The following C7orf57 variants were observed in gnomAD, a reference collection of about 807,000 sequenced individuals.
C7orf57 encodes chromosome 7 open reading frame 57.
A neutral mutation model predicts 39.0 loss-of-function variants in C7orf57; 33 were observed. The observed-to-expected ratio is 0.85, with a 90% CI of 0.64 to 1.13. C7orf57 has a LOEUF of 1.13. Among genes scored for constraint, C7orf57 ranks in the 50% most tolerant of loss-of-function variants. C7orf57 has a pLI of 0.00. For synonymous variants in C7orf57, 124 were observed against 137.1 expected, an observed-to-expected ratio of 0.90 and a Z score of 0.67; for missense variants, 346 against 362.3, an observed-to-expected ratio of 0.95 and a Z score of 0.37.
intron 2 of C7orf57, among the ~76,000 whole-genome samples, chr7:48,040,752 A>T (rs1790524979): frequency 6.6e-6 from 1 of 152,148 alleles, no homozygotes; most frequent in Non-Finnish European, 1.5e-5. Flanking sequence ...CTCGGTGGAC[A>T]GGCCTCTTTG....
At chr7:48,051,393 C>T (rs1393094653) in intron 6 of C7orf57, among the ~76,000 whole-genome samples, 1 of 135,250 alleles carries the variant, frequency 7.4e-6, no homozygotes, top group Non-Finnish European at 1.5e-5. Flanking sequence ...CTCTGTCCCC[C>T]AGGCTGGAGT....
chr7:48,060,785 A>G lies in C7orf57; in HGVS notation c.*513A>G, dbSNP rs892548285. ...TGCCATGAATTTATAAACATTTAAT[A>G]TAAAACATTATAACATTTGCTGTTT... On this transcript the variant is annotated 3_prime_UTR_variant, in exon 9 of 9. Transcript: ENST00000348904. The G allele has an allele frequency of 5.3e-5, 8 of 152,244 alleles. No individual in the cohort carries two copies. Among genetic ancestry groups the G allele is most frequent in the African/African-American group, 1.9e-4 (8 of 41,470 alleles). 9.4% of individuals were successfully genotyped at this position (152,244 alleles called of 1,614,324 possible).
chr7:48,058,146 T>C (rs2128799869), intron 8 of C7orf57, among the ~76,000 whole-genome samples: 1 of 152,314 alleles, frequency 6.6e-6, no homozygotes, highest in East Asian at 1.9e-4. Context: ...GAAATTGGCC[T>C]GTAATTTTCT....
chr7:48,038,381 C>CACATATAT (rs1790446264), intron 2 of C7orf57, among the ~76,000 whole-genome samples: 1 of 128,928 alleles, frequency 7.8e-6, no homozygotes, highest in Non-Finnish European at 1.6e-5. Flanking sequence ...TTTCTATATA[C>CACATATAT]ATATAGATAG....
rs1354307917 is a variant in C7orf57 at position 48,054,640 on chromosome 7, CAA to C, written c.841+38_841+39del. On this transcript the variant is annotated intron_variant, in intron 8 of 8. Coordinates refer to ENST00000348904, the MANE Select transcript of C7orf57 (RefSeq NM_001100159.3). ...TTATAAAGTAACCAGCACCAAAACA[CAA>C]AAAGTCTTACACAAAGAAATTGATG... 12 of 1,536,396 alleles carry C rather than the reference CAA, an allele frequency of 7.8e-6. No individual in the cohort carries two copies. In the East Asian group the frequency reaches 2.9e-4, roughly 38 times the overall value.
chr7:48,046,562 C>G lies in C7orf57; in HGVS notation c.453C>G (p.Asp151Glu). 1 of 1,613,796 alleles carries G rather than the reference C, an allele frequency of 6.2e-7. No homozygotes were observed. The highest frequency in any genetic ancestry group is 8.5e-7 in the Non-Finnish European group (1 of 1,179,808). The part of the protein sequence containing the change: ...YASRRGPFDF[D>E]MKTVWQREAE... ...CCAGAAGAGGGCCCTTCGACTTCGA[C>G]ATGAAAACAGTTTGGCAAAGAGAGG... The change falls in exon 5 of 9, where the codon GAC (aspartate) becomes GAG (glutamate). Residue 151 changes from aspartate (D) to glutamate (E), a missense_variant. Coordinates refer to ENST00000348904, the MANE Select transcript of C7orf57 (RefSeq NM_001100159.3).
intron 6 of C7orf57, among the ~76,000 whole-genome samples, chr7:48,051,753 T>C (rs13228687): frequency 6.6e-5 from 1 of 15,062 alleles, no homozygotes; most frequent in Admixed American, 7.1e-4. Flanking sequence ...CTTTTTCTTT[T>C]CTTTCTTTCT....
chr7:48,048,005 T>C (rs1026727115), intron 5 of C7orf57, among the ~76,000 whole-genome samples: 1 of 152,222 alleles, frequency 6.6e-6, no homozygotes, highest in Non-Finnish European at 1.5e-5. Flanking sequence ...TACAGAAATC[T>C]TAAAATGCTA....
At chr7:48,043,394 T>C in intron 3 of C7orf57, 87 bp from the exon 4 acceptor site, 1 of 981,058 alleles carries the variant, frequency 1.0e-6, no homozygotes, top group Non-Finnish European at 1.6e-6. Context: ...ACAGTTCGCC[T>C]TGTAAATTGA....
At chr7:48,044,406 G>A (rs561645249) in intron 4 of C7orf57, among the ~76,000 whole-genome samples, 25 of 152,288 alleles carry the variant, frequency 1.6e-4, no homozygotes, top group African/African-American at 6.0e-4. Flanking sequence ...TTTATATGCC[G>A]ATCATTGTCC....
chr7:48,051,766 C>CTT (rs1554299677), intron 6 of C7orf57, among the ~76,000 whole-genome samples: 2 of 63,766 alleles, frequency 3.1e-5, no homozygotes, highest in Admixed American at 3.2e-4. Context: ...TTCTTTCTTT[C>CTT]TTTCTTTCTT....
At chr7:48,051,756 T>TTC (rs1323308859) in intron 6 of C7orf57, among the ~76,000 whole-genome samples, 1 of 25,546 alleles carries the variant, frequency 3.9e-5, no homozygotes, top group Non-Finnish European at 1.1e-4. Flanking sequence ...TTTCTTTTCT[T>TTC]TCTTTCTTTC....
chr7:48,041,387 C>T lies in C7orf57; in HGVS notation c.109C>T (p.Pro37Ser), dbSNP rs778154007. 4 of 1,614,018 alleles carry T rather than the reference C, an allele frequency of 2.5e-6. No homozygotes were observed. The highest frequency in any genetic ancestry group is 3.3e-4 in the Middle Eastern group (2 of 6,062). ...KRSEKAVDAP[P>S]ASQIPGLSNL... ...CTCTGAGAAGGCCGTGGATGCCCCACCAGCGTCCCAGATCCCAGGTCTCAG... is the reference window on the plus strand; with the variant it reads ...CTCTGAGAAGGCCGTGGATGCCCCATCAGCGTCCCAGATCCCAGGTCTCAG... Residue 37 changes from proline (P) to serine (S), a missense_variant, in exon 3 of 9, where the codon CCA becomes TCA. Pro to Ser is a moderately conservative substitution (Grantham distance 74). Coordinates refer to ENST00000348904, the MANE Select transcript of C7orf57 (RefSeq NM_001100159.3).
At chr7:48,051,726 CT>C (rs1790889385) in intron 6 of C7orf57, among the ~76,000 whole-genome samples, 1 of 97,336 alleles carries the variant, frequency 1.0e-5, no homozygotes, top group African/African-American at 3.7e-5. Flanking sequence ...TTCTTTCTTT[CT>C]CTTTTTCTTT....
intron 4 of C7orf57, 66 bp from the exon 5 acceptor site, chr7:48,046,394 T>G: frequency 6.8e-7 from 1 of 1,468,174 alleles, no homozygotes; most frequent in Non-Finnish European, 9.3e-7. Context: ...GCGATGGAGA[T>G]GGAAGGAAGG....
chr7:48,061,111 A>G lies in C7orf57; in HGVS notation c.*839A>G, dbSNP rs1226795006. 1 of 152,172 alleles carries G rather than the reference A, an allele frequency of 6.6e-6. No homozygotes were observed. The highest frequency in any genetic ancestry group is 2.4e-5 in the African/African-American group (1 of 41,452). 9.4% of individuals were successfully genotyped at this position (152,172 alleles called of 1,614,324 possible). A position where few individuals can be genotyped will look rare whatever the true frequency, so the allele number is the denominator to read the frequency against. On this transcript the variant is annotated 3_prime_UTR_variant, in exon 9 of 9. Transcript: ENST00000348904. Reference sequence around the variant, plus strand: ...TCACAGATATTTTAGCTTCTTTCCCAGAATAAACTTATCATGCATTTGCTT... The same window carrying G: ...TCACAGATATTTTAGCTTCTTTCCCGGAATAAACTTATCATGCATTTGCTT...
At chr7:48,051,888 T>C (rs7808019) in intron 6 of C7orf57, among the ~76,000 whole-genome samples, 2,395 of 72,382 alleles carry the variant, frequency 0.033, 361 homozygotes, top group Middle Eastern at 0.043. Context: ...TCTTTCTTTC[T>C]TTCCTTCCTT....
chr7:48,044,064 G>A (rs561704054), intron 4 of C7orf57, among the ~76,000 whole-genome samples: 18 of 152,288 alleles, frequency 1.2e-4, no homozygotes, highest in African/African-American at 4.1e-4. Context: ...GGAACCCAGC[G>A]ACTAGTGTTC....
intron 6 of C7orf57, among the ~76,000 whole-genome samples, chr7:48,052,365 T>C (rs1790979952): frequency 6.7e-6 from 1 of 149,696 alleles, no homozygotes; most frequent in African/African-American, 2.4e-5. Flanking sequence ...AAGGCTTCCC[T>C]GTGAAATACT....
Sources: allele counts gnomAD v4.1 joint callset (sites outside exome capture counted in the v4.1 genomes callset), GRCh38; gene constraint gnomAD v4.1.1; transcripts MANE v1.5; gene names NCBI Gene and HGNC (gene_info 2026-07-23, HGNC 2026-07-21).